The following PIEZO2 variants were observed in gnomAD, a reference collection of about 807,000 sequenced individuals.
PIEZO2 encodes piezo type mechanosensitive ion channel component 2, also known as piezo-type mechanosensitive ion channel component 2.
Under a neutral mutation model 337.3 loss-of-function variants are expected in PIEZO2, and 172 were observed. The observed-to-expected ratio is 0.51, with a 90% CI of 0.45 to 0.58. The LOEUF (loss-of-function observed/expected upper bound fraction) is 0.58, where lower values mean the gene tolerates loss of function less well. PIEZO2 is among the 20% of genes least tolerant of loss of function. The pLI, the probability that PIEZO2 is intolerant of heterozygous loss-of-function variation, is 0.00. For synonymous variants in PIEZO2, 1,251 were observed against 1,228.5 expected (o/e 1.02, Z -0.38); for missense variants, 3,028 against 3,391.3 (o/e 0.89, Z 2.66).
In PIEZO2 at chr18:10,953,404, T is replaced by C. The variant is rs2033381492; in HGVS notation, c.286+26131A>G. ...TCTTTGCATTTAGGTTTATGATTTG[T>C]TTTGAGTTAATTAATTTTTGTATAT... On this transcript the variant is annotated intron_variant, in intron 3 of 55. Transcript: ENST00000674853. The surrounding 1 kb of genome is among the most constrained non-coding windows in gnomAD (Gnocchi z 5.2). 6.6e-6 allele frequency among the ~76,000 whole-genome samples: 1 copy of C among 152,230 alleles called. No homozygotes were observed.
chr18:10,873,489 A>G (rs2042188759), intron 4 of PIEZO2, among the ~76,000 whole-genome samples: 1 of 152,132 alleles, frequency 6.6e-6, no homozygotes, highest in African/African-American at 2.4e-5. Context: ...GGATGTGCAC[A>G]TTTATACTTA....
chr18:10,875,092 T>C (rs537588723), intron 4 of PIEZO2, among the ~76,000 whole-genome samples: 1 of 152,154 alleles, frequency 6.6e-6, no homozygotes, highest in South Asian at 2.1e-4. Flanking sequence ...GTACAATTAT[T>C]ACAAATCAAC....
At chr18:10,765,891 G>A (rs1881090) in intron 21 of PIEZO2, among the ~76,000 whole-genome samples, 111,837 of 151,784 alleles carry the variant, frequency 0.74, 41,673 homozygotes, top group East Asian at 0.87. Flanking sequence ...AAACTGTGGG[G>A]AGGGGCCGGG....
rs958765152 is a variant in PIEZO2 at position 11,031,135 on chromosome 18, G to A, written c.160+34992C>T. ...CTCTCGAGTTTCTGGGACTACAGGCGCCTGCCACCATGCCTGGCTAATTTT... is the reference window on the plus strand; with the variant it reads ...CTCTCGAGTTTCTGGGACTACAGGCACCTGCCACCATGCCTGGCTAATTTT... On this transcript the variant is annotated intron_variant, in intron 2 of 55. Coordinates refer to ENST00000674853, the MANE Select transcript of PIEZO2 (RefSeq NM_001378183.1). The surrounding 1 kb of genome is among the most constrained non-coding windows in gnomAD (Gnocchi z 4.7). 4.0e-5 allele frequency among the ~76,000 whole-genome samples: 6 copies of A among 150,908 alleles called. No individual in the cohort carries two copies. The highest frequency in any genetic ancestry group is 1.5e-4 in the African/African-American group (6 of 41,074).
intron 3 of PIEZO2, among the ~76,000 whole-genome samples, chr18:10,958,664 A>T (rs940647153): frequency 6.6e-6 from 1 of 152,206 alleles, no homozygotes; most frequent in Non-Finnish European, 1.5e-5. Flanking sequence ...CACAATACTT[A>T]TTTCTCAATT....
Position 10,713,957 on chromosome 18 carries a change from A to C in PIEZO2, c.5423+807T>G, listed in dbSNP as rs144735544. On this transcript the variant is annotated intron_variant, in intron 39 of 55. Coordinates refer to ENST00000674853, the MANE Select transcript of PIEZO2 (RefSeq NM_001378183.1). The surrounding 1 kb of genome is among the most constrained non-coding windows in gnomAD (Gnocchi z 4.5). Reference sequence around the variant, plus strand: ...AAGAATTCTGAGGCTTTTCTGGGACAGGCAGTAAGTTGGTCTGCGGTGCAG... The same window carrying C: ...AAGAATTCTGAGGCTTTTCTGGGACCGGCAGTAAGTTGGTCTGCGGTGCAG... Among the ~76,000 whole-genome samples the C allele has an allele frequency of 1.9e-3, 290 of 152,306 alleles. 1 individual carries two copies. The highest frequency in any genetic ancestry group is 6.7e-3 in the African/African-American group (277 of 41,584).
rs1220760919 is a variant in PIEZO2 at position 11,099,186 on chromosome 18, T to C, written c.65-32964A>G. ...ACTGGACTGACATTTCACTATTTTT[T>C]ACAGTCCTGCATTCAGAAGTCTTAT... On this transcript the variant is annotated intron_variant, in intron 1 of 55. Transcript: ENST00000674853. This position sits in a 1 kb window ranked among gnomAD's most constrained non-coding sequence, Gnocchi z 5.4. Among the ~76,000 whole-genome samples the C allele has an allele frequency of 6.6e-6, 1 of 152,228 alleles. No individual in the cohort carries two copies. The highest frequency in any genetic ancestry group is 1.5e-5 in the Non-Finnish European group (1 of 68,042).
chr18:10,804,041 TA>T (rs2039915787), intron 8 of PIEZO2, 47 bp from the exon 9 acceptor site: 1 of 1,528,728 alleles, frequency 6.5e-7, no homozygotes, highest in Non-Finnish European at 8.7e-7. Flanking sequence ...GGCAGTTCCC[TA>T]GACAGCCTGG....
intron 5 of PIEZO2, among the ~76,000 whole-genome samples, chr18:10,865,412 C>T (rs2041979788): frequency 2.6e-5 from 4 of 152,128 alleles, no homozygotes. Context: ...GAGGCAGTGG[C>T]TGCTTGGTGA....
At chr18:11,106,355 C>A (rs2039561869) in intron 1 of PIEZO2, among the ~76,000 whole-genome samples, 1 of 151,298 alleles carries the variant, frequency 6.6e-6, no homozygotes, top group South Asian at 2.1e-4. Context: ...GCCTCGGCCT[C>A]CCAAAGTGCT....
chr18:10,801,381 T>C lies in PIEZO2; in HGVS notation c.1239+9A>G, dbSNP rs1258615545. On this transcript the variant is annotated intron_variant, in intron 10 of 55. Coordinates refer to ENST00000674853, the MANE Select transcript of PIEZO2 (RefSeq NM_001378183.1). ...CATGCATAAATGATAATTCTAAGGG[T>C]ATACTAACATCAGATGGTTTGTAGT... The C allele has an allele frequency of 3.2e-5, 47 of 1,479,412 alleles. No homozygotes were observed. The highest frequency in any genetic ancestry group is 4.1e-5 in the Non-Finnish European group (45 of 1,094,020). The allele number at this position is 1,479,412 out of a possible 1,614,324, so 91.6% of individuals were successfully genotyped here. A position where few individuals can be genotyped will look rare whatever the true frequency, so the allele number is the denominator to read the frequency against.
At chr18:10,679,845 G>C (rs1303141613) in intron 52 of PIEZO2, among the ~76,000 whole-genome samples, 7 of 152,088 alleles carry the variant, frequency 4.6e-5, no homozygotes, top group Admixed American at 6.6e-5. Context: ...TTTAAGTGTT[G>C]TTTCACCAAT....
In PIEZO2 at chr18:11,021,239, G is replaced by T. The variant is rs996723817; in HGVS notation, c.161-41579C>A. 6.6e-6 allele frequency among the ~76,000 whole-genome samples: 1 copy of T among 152,210 alleles called. No homozygotes were observed. Among genetic ancestry groups the T allele is most frequent in the Non-Finnish European group, 1.5e-5 (1 of 68,050 alleles). ...CCTAACTCAACAGTGCTAGTCACAG[G>T]TGTCAAGGAGACAGCTAATCTCCCT... On this transcript the variant is annotated intron_variant, in intron 2 of 55. Transcript: ENST00000674853. This position sits in a 1 kb window ranked among gnomAD's most constrained non-coding sequence, Gnocchi z 4.7.
rs190027479 is a variant in PIEZO2, at chr18:10,742,080, G to A, written c.4636+414C>T. On this transcript the variant is annotated intron_variant, in intron 32 of 55. Transcript: ENST00000674853. ...TGAGGCAGGAGAATGGCGTGAACCC[G>A]GGAGGCGGAGCTTGCAGTGAGCCGA... Among the ~76,000 whole-genome samples the A allele has an allele frequency of 7.4e-3, 1,131 of 152,230 alleles. 20 individuals are homozygous for A. The highest frequency in any genetic ancestry group is 0.026 in the African/African-American group (1,071 of 41,556).
rs181018999 is a variant in PIEZO2 at position 10,725,365 on chromosome 18, C to T, written c.5029+6042G>A. ...CTGAGTGAAGACCTGCTGTCCCAGG[C>T]GGTGATGATGGTGGAGAACAGCCGG... On this transcript the variant is annotated intron_variant, in intron 36 of 55. Transcript: ENST00000674853. The T allele has an allele frequency of 5.0e-6, 8 of 1,605,492 alleles. No individual in the cohort carries two copies. The East Asian group carries it at 1.1e-4, about 22-fold the overall frequency.
Position 11,028,001 on chromosome 18 carries a change from T to C in PIEZO2, c.160+38126A>G, listed in dbSNP as rs1384794812. Among the ~76,000 whole-genome samples the C allele has an allele frequency of 1.3e-5, 2 of 152,224 alleles. No homozygotes were observed. Among genetic ancestry groups the C allele is most frequent in the Non-Finnish European group, 2.9e-5 (2 of 68,030 alleles). On this transcript the variant is annotated intron_variant, in intron 2 of 55. Transcript: ENST00000674853. This position sits in a 1 kb window ranked among gnomAD's most constrained non-coding sequence, Gnocchi z 4.8. The stretch of plus-strand genomic sequence containing the variant: ...CACAGAACAGGAAGACCTGCTATTA[T>C]GATTAGTGCAGGGTAACCTGCCAAG...
intron 42 of PIEZO2, among the ~76,000 whole-genome samples, chr18:10,702,831 G>A (rs1001938358): frequency 1.3e-5 from 2 of 152,138 alleles, no homozygotes; most frequent in Non-Finnish European, 2.9e-5. Context: ...AAAAGGGAGA[G>A]CCTCAACTTA....
chr18:10,827,969 T>C (rs549775099), intron 7 of PIEZO2, among the ~76,000 whole-genome samples: 2 of 152,340 alleles, frequency 1.3e-5, no homozygotes, highest in Admixed American at 1.3e-4. Flanking sequence ...ATAAAAAAAC[T>C]ATTAAATCTC....
At position 10,953,887 on chromosome 18, in the gene PIEZO2, T is replaced by C. The variant is rs1777997791; in HGVS notation, c.286+25648A>G. ...CAGCACAGGGTGCCCCTGGTTACTATGTGAGGACGATACTGCCTTGTTTTA... is the reference window on the plus strand; with the variant it reads ...CAGCACAGGGTGCCCCTGGTTACTACGTGAGGACGATACTGCCTTGTTTTA... On this transcript the variant is annotated intron_variant, in intron 3 of 55. Coordinates refer to ENST00000674853, the MANE Select transcript of PIEZO2 (RefSeq NM_001378183.1). The surrounding 1 kb of genome is among the most constrained non-coding windows in gnomAD (Gnocchi z 5.2). Among the ~76,000 whole-genome samples the C allele has an allele frequency of 6.6e-6, 1 of 152,168 alleles. No individual in the cohort carries two copies. The highest frequency in any genetic ancestry group is 1.5e-5 in the Non-Finnish European group (1 of 68,038).
Sources: gnomAD v4.1 joint callset for allele counts (sites outside exome capture counted in the v4.1 genomes callset) on GRCh38, gnomAD v4.1.1 for gene constraint, Gnocchi (gnomAD v3.1) non-coding constraint, MANE v1.5 for transcripts, NCBI Gene and HGNC (gene_info 2026-07-23, HGNC 2026-07-21) for gene names.